Variants in TRAPPC1 observed in about 807,000 individuals in gnomAD.
The protein encoded by TRAPPC1 is trafficking protein particle complex subunit 1.
In TRAPPC1, 10 loss-of-function variants were observed where a neutral mutation model predicts 17.2. The ratio of observed to expected loss-of-function variants is 0.58; its 90% CI spans 0.36 to 0.99. TRAPPC1 has a LOEUF of 0.99. TRAPPC1 is among the 50% of genes least tolerant of loss of function. TRAPPC1 has a pLI of 0.01. For synonymous variants in TRAPPC1, 85 were observed against 74.5 expected, an observed-to-expected ratio of 1.14 and a Z score of -0.72; for missense variants, 163 against 184.4, an observed-to-expected ratio of 0.88 and a Z score of 0.67.
chr17:7,931,703 C>G (rs141216841), intron 1 of TRAPPC1, 28 bp downstream of exon 1: 1 of 1,610,018 alleles, frequency 6.2e-7, no homozygotes, highest in Middle Eastern at 1.7e-4. Context: ...GAGAGGTCGC[C>G]CGGGCTGCAC....
Position 7,931,841 on chromosome 17 carries a change from G to C in TRAPPC1, c.-12C>G, listed in dbSNP as rs369504475. 9.3e-6 allele frequency: 15 copies of C among 1,610,738 alleles called. No homozygotes were observed. In the African/African-American group the frequency reaches 2.0e-4, roughly 22 times the overall value. ...TTGTGGACAGTCATCTGCAGGGCAG[G>C]GAGTGTGAGCCTCGCTCCGGGGCCG... On this transcript the variant is annotated 5_prime_UTR_variant, in exon 1 of 4. Transcript: ENST00000303731.
intron 1 of TRAPPC1, 74 bp from the exon 2 acceptor site, chr17:7,931,650 T>A: frequency 2.1e-6 from 3 of 1,452,722 alleles, no homozygotes; most frequent in Non-Finnish European, 2.9e-6. Context: ...GAGCTGGGGT[T>A]TGGAGAGGAG....
intron 2 of TRAPPC1, 37 bp downstream of exon 2, chr17:7,931,469 T>A (rs756615112): frequency 3.7e-6 from 6 of 1,603,194 alleles, no homozygotes; most frequent in Non-Finnish European, 5.1e-6. Context: ...TTCCCAAGGC[T>A]AGCCCTCCTC....
rs1770360437 is a variant in TRAPPC1 at position 7,930,703 on chromosome 17, A to C, written c.341T>G (p.Leu114Arg). The change falls in exon 4 of 4, where the codon CTG becomes CGG. Residue 114 changes from leucine (L) to arginine (R), a missense_variant. By Grantham distance (102) the Leu-to-Arg change is moderately radical (BLOSUM62 -2). Transcript: ENST00000303731. ...LYVELVVKNP[L>R]CPLGQTVQSE... is the part of the protein sequence containing the mutation. ...TTGCACAGTTTGGCCCAGCGGGCAC[A>C]GGGGATTCTTCACCACCAGCTCCAC... 6.2e-7 allele frequency: 1 copy of C among 1,614,076 alleles called. No individual in the cohort carries two copies. The highest frequency in any genetic ancestry group is 8.5e-7 in the Non-Finnish European group (1 of 1,180,028).
chr17:7,930,546 C>T lies in TRAPPC1; in HGVS notation c.*60G>A, dbSNP rs1434858474. 1 of 1,609,860 alleles carries T rather than the reference C, an allele frequency of 6.2e-7. No individual in the cohort carries two copies. The highest frequency in any genetic ancestry group is 1.3e-5 in the African/African-American group (1 of 74,784). ...GCTTACAGTGGGGGCCCTTAGTTGG[C>T]ACAGGTTCGGAAGGGCCCCAGGCAG... On this transcript the variant is annotated 3_prime_UTR_variant, in exon 4 of 4. Coordinates refer to ENST00000303731, the MANE Select transcript of TRAPPC1 (RefSeq NM_021210.5).
chr17:7,931,955 T>A (rs1972547811), upstream of TRAPPC1: 2 of 793,872 alleles, frequency 2.5e-6, no homozygotes, highest in Non-Finnish European at 4.3e-6. Context: ...CTGCTCCGAG[T>A]GCCCGTCAAG....
At chr17:7,930,922 A>G in intron 3 of TRAPPC1, 89 bp downstream of exon 3, 1 of 1,538,476 alleles carries the variant, frequency 6.5e-7, no homozygotes, top group Non-Finnish European at 8.8e-7. Context: ...GAGTTGAGCA[A>G]ACATATAGTA....
At chr17:7,931,319 T>C (rs950863128) in intron 2 of TRAPPC1, 170 bp from the exon 3 acceptor site, 2 of 1,052,362 alleles carry the variant, frequency 1.9e-6, no homozygotes, top group African/African-American at 3.2e-5. Context: ...CCCACCAACT[T>C]CTCTACTTTC....
chr17:7,930,916 T>C, intron 3 of TRAPPC1, 95 bp downstream of exon 3: 1 of 1,530,994 alleles, frequency 6.5e-7, no homozygotes, highest in Non-Finnish European at 8.8e-7. Context: ...ACTCTTGAGT[T>C]GAGCAAACAT....
chr17:7,930,773 C>T, intron 3 of TRAPPC1, 39 bp from the exon 4 acceptor site: 3 of 1,605,980 alleles, frequency 1.9e-6, no homozygotes, highest in Non-Finnish European at 2.6e-6. Context: ...GCTTTGGATA[C>T]TTCTGGTTTT....
At chr17:7,930,868 T>C (rs1972448915) in intron 3 of TRAPPC1, 134 bp from the exon 4 acceptor site, 1 of 1,486,372 alleles carries the variant, frequency 6.7e-7, no homozygotes, top group African/African-American at 1.4e-5. Flanking sequence ...GAGGAGAAAG[T>C]GGTGGTGGGA....
Position 7,931,551 on chromosome 17 carries a change from A to C in TRAPPC1, c.125T>G (p.Leu42Arg), listed in dbSNP as rs1567898634. 1 of 1,612,882 alleles carries C rather than the reference A, an allele frequency of 6.2e-7. No homozygotes were observed. The change falls in exon 2 of 4, where the codon CTC becomes CGC. Residue 42 changes from leucine (L) to arginine (R), a missense_variant. By Grantham distance (102) the Leu-to-Arg change is moderately radical. Coordinates refer to ENST00000303731, the MANE Select transcript of TRAPPC1 (RefSeq NM_021210.5). ...EEEYKLMYGM[L>R]FSIRSFVSKM... Reference sequence around the variant, plus strand: ...GCTGACAAACGAGCGGATAGAGAAGAGCATCCCGTACATCAGCTTATACTC... The same window carrying C: ...GCTGACAAACGAGCGGATAGAGAAGCGCATCCCGTACATCAGCTTATACTC...
chr17:7,931,604 T>C, intron 1 of TRAPPC1, 28 bp from the exon 2 acceptor site: 1 of 1,091,852 alleles, frequency 9.2e-7, no homozygotes, highest in South Asian at 1.2e-5. Context: ...GAGTTAGCTC[T>C]CGGTTGATGC....
At position 7,931,047 on chromosome 17, in the gene TRAPPC1, T is replaced by A. The variant is rs1285744690; in HGVS notation, c.273A>T (p.Gly91=). Residue 91 remains glycine (G), a synonymous_variant, in exon 3 of 4, where the codon GGA becomes GGT. Coordinates refer to ENST00000303731, the MANE Select transcript of TRAPPC1 (RefSeq NM_021210.5). ...KVVMNTDLGV[G]PIRDVLHHIY... ...TGTGGTGCAGCACATCTCGGATGGGTCCCACGCCCAAGTCAGTATTCATGA... is the reference window on the plus strand; with the variant it reads ...TGTGGTGCAGCACATCTCGGATGGGACCCACGCCCAAGTCAGTATTCATGA... 1.2e-6 allele frequency: 2 copies of A among 1,613,568 alleles called. No individual in the cohort carries two copies. Among genetic ancestry groups the A allele is most frequent in the Non-Finnish European group, 1.7e-6 (2 of 1,179,946 alleles).
At chr17:7,930,850 C>A in intron 3 of TRAPPC1, 116 bp from the exon 4 acceptor site, 1 of 1,512,780 alleles carries the variant, frequency 6.6e-7, no homozygotes. Flanking sequence ...GGAAGGCAAG[C>A]CCTCTCTGAG....
chr17:7,931,894 G>A lies in TRAPPC1; in HGVS notation c.-65C>T. 1 of 1,408,802 alleles carries A rather than the reference G, an allele frequency of 7.1e-7. No individual in the cohort carries two copies. The highest frequency in any genetic ancestry group is 1.0e-6 in the Non-Finnish European group (1 of 993,404). The allele number at this position is 1,408,802 out of a possible 1,614,324, so 87.3% of individuals were successfully genotyped here. On this transcript the variant is annotated 5_prime_UTR_variant, in exon 1 of 4. Coordinates refer to ENST00000303731, the MANE Select transcript of TRAPPC1 (RefSeq NM_021210.5). Reference sequence around the variant, plus strand: ...CCCACTCCTTGGGCTCGGGTTCCCGGACCCACAGCCTTCCAACCAGGTGGG... The same window carrying A: ...CCCACTCCTTGGGCTCGGGTTCCCGAACCCACAGCCTTCCAACCAGGTGGG...
chr17:7,931,918 G>T lies in TRAPPC1; in HGVS notation c.-89C>A. On this transcript the variant is annotated 5_prime_UTR_variant, in exon 1 of 4. Coordinates refer to ENST00000303731, the MANE Select transcript of TRAPPC1 (RefSeq NM_021210.5). Reference sequence around the variant, plus strand: ...GGACCCACAGCCTTCCAACCAGGTGGGGACCCCACCCACGGACTCACCGGA... The same window carrying T: ...GGACCCACAGCCTTCCAACCAGGTGTGGACCCCACCCACGGACTCACCGGA... 2 of 1,148,568 alleles carry T rather than the reference G, an allele frequency of 1.7e-6. No homozygotes were observed. Among genetic ancestry groups the T allele is most frequent in the South Asian group, 1.2e-5 (1 of 81,374 alleles). The allele number at this position is 1,148,568 out of a possible 1,614,324, so 71.1% of individuals were successfully genotyped here. A position where few individuals can be genotyped will look rare whatever the true frequency, so the allele number is the denominator to read the frequency against.
chr17:7,931,715 G>A lies in TRAPPC1; in HGVS notation c.99+16C>T. The A allele has an allele frequency of 1.9e-6, 3 of 1,611,368 alleles. No homozygotes were observed. The highest frequency in any genetic ancestry group is 2.5e-6 in the Non-Finnish European group (3 of 1,177,458). ...GATGAGAGGTCGCCCGGGCTGCACC[G>A]GGGCCCTCTCGTCACCTCCTCCTTG... On this transcript the variant is annotated intron_variant, in intron 1 of 3. Transcript: ENST00000303731.
chr17:7,931,527 C>A lies in TRAPPC1; in HGVS notation c.149G>T (p.Ser50Ile). 2 of 1,614,070 alleles carry A rather than the reference C, an allele frequency of 1.2e-6. No individual in the cohort carries two copies. The highest frequency in any genetic ancestry group is 1.7e-6 in the Non-Finnish European group (2 of 1,179,982). ...GTACATGTCTAGCGGGGACATCTTG[C>A]TGACAAACGAGCGGATAGAGAAGAG... ...GMLFSIRSFV[S>I]KMSPLDMKDG... Residue 50 changes from serine (S) to isoleucine (I), a missense_variant, in exon 2 of 4, where the codon AGC becomes ATC. By Grantham distance (142) the Ser-to-Ile change is moderately radical. Transcript: ENST00000303731.
Sources: allele counts gnomAD v4.1 joint callset, GRCh38; gene constraint gnomAD v4.1.1; transcripts MANE v1.5; gene names NCBI Gene and HGNC (gene_info 2026-07-23, HGNC 2026-07-21).